The following GRID2 variants were observed in gnomAD, a reference collection of about 807,000 sequenced individuals.
GRID2 encodes glutamate receptor ionotropic, delta-2.
A neutral mutation model predicts 114.8 loss-of-function variants in GRID2; 33 were observed. That is an observed-to-expected ratio of 0.29 (90% CI 0.22 to 0.38). The LOEUF is 0.38. Among genes scored for constraint, GRID2 ranks in the 10% least tolerant of loss-of-function variants. GRID2 has a pLI of 1.00. For missense variants in GRID2, 1,184 were observed against 1,257.7 expected, an observed-to-expected ratio of 0.94 and a Z score of 0.89; for synonymous variants, 505 against 449.9, an observed-to-expected ratio of 1.12 and a Z score of -1.55.
chr4:92,890,250 G>A lies in GRID2; in HGVS notation c.245-194745G>A, dbSNP rs181017977. On this transcript the variant is annotated intron_variant, in intron 2 of 15. Coordinates refer to ENST00000282020, the MANE Select transcript of GRID2 (RefSeq NM_001510.4). ...AACATCTGAAGCAGTTGCAACAAAA[G>A]CCAAAATTGACAAATAGGATCTAAT... Among the ~76,000 whole-genome samples the A allele has an allele frequency of 7.9e-4, 121 of 152,210 alleles. 1 individual carries two copies. Among genetic ancestry groups the A allele is most frequent in the African/African-American group, 2.7e-3 (114 of 41,526 alleles).
At chr4:92,391,935 G>T (rs1579287337) in intron 1 of GRID2, among the ~76,000 whole-genome samples, 1 of 152,066 alleles carries the variant, frequency 6.6e-6, no homozygotes, top group Non-Finnish European at 1.5e-5. Flanking sequence ...ATTCTGGAAA[G>T]GTATTTTAAA....
chr4:92,372,692 C>T (rs1200513494), intron 1 of GRID2, among the ~76,000 whole-genome samples: 1 of 152,080 alleles, frequency 6.6e-6, no homozygotes. Flanking sequence ...CCTCCAGTTT[C>T]TCCAAGGTAT....
At chr4:92,745,843 GA>G (rs1283196218) in intron 2 of GRID2, among the ~76,000 whole-genome samples, 2 of 151,916 alleles carry the variant, frequency 1.3e-5, no homozygotes, top group Non-Finnish European at 2.9e-5. Flanking sequence ...AAAGTAAAAA[GA>G]AAAGCAAAAA....
intron 9 of GRID2, among the ~76,000 whole-genome samples, chr4:93,401,063 C>A (rs184001724): frequency 8.6e-4 from 130 of 152,004 alleles, no homozygotes; most frequent in Middle Eastern, 3.4e-3. Context: ...GAACTCCTGG[C>A]CTCAAGTAAT....
At chr4:92,770,462 T>C (rs2099432) in intron 2 of GRID2, among the ~76,000 whole-genome samples, 151,655 of 152,250 alleles carry the variant, frequency 1, 75,535 homozygotes, top group Middle Eastern at 1. Context: ...TTCAGCAGTG[T>C]CGCACTCCCA....
At chr4:93,390,747 C>T (rs1218537150) in intron 8 of GRID2, among the ~76,000 whole-genome samples, 4 of 151,910 alleles carry the variant, frequency 2.6e-5, no homozygotes, top group Admixed American at 1.3e-4. Flanking sequence ...ATTATTATGA[C>T]TGCATAAAAC....
intron 14 of GRID2, among the ~76,000 whole-genome samples, chr4:93,665,551 G>T (rs1723873917): frequency 6.6e-6 from 1 of 152,128 alleles, no homozygotes; most frequent in Non-Finnish European, 1.5e-5. Flanking sequence ...TTCACTTCCA[G>T]TGTGCTCCAT....
At chr4:92,586,873 T>A (rs1337283700) in intron 1 of GRID2, among the ~76,000 whole-genome samples, 2 of 152,008 alleles carry the variant, frequency 1.3e-5, no homozygotes, top group East Asian at 3.8e-4. Flanking sequence ...CATTTAAAAA[T>A]ATATATTTTG....
intron 5 of GRID2, among the ~76,000 whole-genome samples, chr4:93,210,502 T>C (rs1420472662): frequency 3.3e-5 from 5 of 152,154 alleles, no homozygotes; most frequent in Non-Finnish European, 7.4e-5. Flanking sequence ...CACTGTAGTA[T>C]AGTTTGAAGT....
At chr4:92,532,941 G>A (rs921314001) in intron 1 of GRID2, among the ~76,000 whole-genome samples, 3 of 151,964 alleles carry the variant, frequency 2.0e-5, no homozygotes, top group African/African-American at 7.3e-5. Flanking sequence ...TTAGGTAGGT[G>A]TGGTGGCGTG....
chr4:92,748,823 T>G (rs1276709994), intron 2 of GRID2, among the ~76,000 whole-genome samples: 1 of 148,738 alleles, frequency 6.7e-6, no homozygotes. Flanking sequence ...CACCAAGCCC[T>G]GCTAATTTTT....
rs180793874 is a variant in GRID2 at position 93,711,382 on chromosome 4, G to T, written c.2361-57828G>T. On this transcript the variant is annotated intron_variant, in intron 14 of 15. Transcript: ENST00000282020. ...CTAGAAATGTTGTCTGGGAGCTAGG[G>T]TCTGGAATAGGGACTTCAAGACTCC... is the stretch of plus-strand genomic sequence containing the variant. Among the ~76,000 whole-genome samples the T allele has an allele frequency of 9.2e-5, 14 of 152,164 alleles. No individual in the cohort carries two copies. The East Asian group carries it at 2.7e-3, about 30-fold the overall frequency.
At chr4:93,042,184 T>C (rs1352087559) in intron 2 of GRID2, among the ~76,000 whole-genome samples, 3 of 151,720 alleles carry the variant, frequency 2.0e-5, no homozygotes, top group African/African-American at 7.3e-5. Context: ...ATTACAGGCA[T>C]GAGCCACTGC....
chr4:92,579,982 A>T (rs1728098264), intron 1 of GRID2, among the ~76,000 whole-genome samples: 1 of 138,356 alleles, frequency 7.2e-6, no homozygotes, highest in South Asian at 2.3e-4. Context: ...TTATATATGT[A>T]TATGTATTTT....
rs183410615 is a variant in GRID2 at position 92,676,324 on chromosome 4, T to C, written c.244+86038T>C. On this transcript the variant is annotated intron_variant, in intron 2 of 15. Coordinates refer to ENST00000282020, the MANE Select transcript of GRID2 (RefSeq NM_001510.4). Reference sequence around the variant, plus strand: ...CCTCCCGAGTAGCTGGGACTACAGGTGCCCACCACAACGCCCGGCTAATTT... The same window carrying C: ...CCTCCCGAGTAGCTGGGACTACAGGCGCCCACCACAACGCCCGGCTAATTT... Among the ~76,000 whole-genome samples the C allele has an allele frequency of 1.2e-3, 177 of 151,662 alleles. 1 individual carries two copies. Among genetic ancestry groups the C allele is most frequent in the Admixed American group, 5.6e-3 (86 of 15,236 alleles).
Position 92,759,785 on chromosome 4 carries a change from C to CT in GRID2, c.244+169501dup, listed in dbSNP as rs1398337695. Among the ~76,000 whole-genome samples, 386 of 149,846 alleles carry CT rather than the reference C, an allele frequency of 2.6e-3. 1 individual carries two copies. The highest frequency in any genetic ancestry group is 9.0e-3 in the African/African-American group (366 of 40,584). On this transcript the variant is annotated intron_variant, in intron 2 of 15. Coordinates refer to ENST00000282020, the MANE Select transcript of GRID2 (RefSeq NM_001510.4). ...TGCCGGGCTTTTTTTTCTTCTTCTT[C>CT]TTCTTTTTTTTTTTTGTATTTAGTA...
intron 1 of GRID2, among the ~76,000 whole-genome samples, chr4:92,486,525 G>T (rs749151636): frequency 3.3e-4 from 48 of 146,612 alleles, no homozygotes; most frequent in Non-Finnish European, 6.7e-4. Context: ...ATGTAAAATA[G>T]CCTTATAAAT....
intron 1 of GRID2, among the ~76,000 whole-genome samples, chr4:92,389,362 C>T (rs1160053788): frequency 6.6e-6 from 1 of 151,964 alleles, no homozygotes; most frequent in Non-Finnish European, 1.5e-5. Flanking sequence ...TTTCTCTTGT[C>T]TGATAGAAAA....
intron 2 of GRID2, among the ~76,000 whole-genome samples, chr4:92,720,811 C>G (rs910554679): frequency 3.3e-5 from 5 of 152,008 alleles, no homozygotes; most frequent in African/African-American, 1.2e-4. Flanking sequence ...GGTATATACC[C>G]ATAAACATTG....
Sources: gnomAD v4.1 joint callset for allele counts (sites outside exome capture counted in the v4.1 genomes callset) on GRCh38, gnomAD v4.1.1 for gene constraint, MANE v1.5 for transcripts, NCBI Gene and HGNC (gene_info 2026-07-23, HGNC 2026-07-21) for gene names.